TTC27: variants seen among roughly 807,000 people sequenced by gnomAD.
TTC27 encodes tetratricopeptide repeat domain 27.
A neutral mutation model predicts 115.9 loss-of-function variants in TTC27; 79 were observed. The ratio of observed to expected loss-of-function variants is 0.68; its 90% CI spans 0.57 to 0.82. The LOEUF (loss-of-function observed/expected upper bound fraction) is 0.82. TTC27 is among the 40% of genes least tolerant of loss of function. The pLI, the probability that TTC27 is intolerant of heterozygous loss-of-function variation, is 0.00. For missense variants in TTC27, 1,054 were observed against 993.1 expected (o/e 1.06, Z -0.82); for synonymous variants, 401 against 356.0 (o/e 1.13, Z -1.42).
chr2:32,670,563 C>A (rs973707492), intron 7 of TTC27, among the ~76,000 whole-genome samples: 9 of 152,012 alleles, frequency 5.9e-5, no homozygotes, highest in African/African-American at 1.9e-4. Context: ...TACTAATAAA[C>A]CTGCCTAGAA....
chr2:32,736,041 C>T (rs1453928211), intron 11 of TTC27, among the ~76,000 whole-genome samples: 3 of 152,258 alleles, frequency 2.0e-5, no homozygotes, highest in Non-Finnish European at 4.4e-5. Context: ...TTTATTCTGA[C>T]CTTACCTACT....
intron 9 of TTC27, among the ~76,000 whole-genome samples, chr2:32,681,644 T>C (rs895325607): frequency 3.1e-5 from 4 of 127,478 alleles, no homozygotes; most frequent in Non-Finnish European, 6.6e-5. Context: ...ATATGAGATA[T>C]TCAGCTTTTT....
rs796711593 is a variant in TTC27 at position 32,778,925 on chromosome 2, T to C, written c.1779+945T>C. ...ATTTTGAGGATCTGCCAGACTGTTT[T>C]CCAAAGTACCATTTTAGGCCGGGTG... is the stretch of plus-strand genomic sequence containing the variant. On this transcript the variant is annotated intron_variant, in intron 14 of 19. Transcript: ENST00000317907. 1.3e-4 allele frequency among the ~76,000 whole-genome samples: 20 copies of C among 152,340 alleles called. 1 individual carries two copies. The highest frequency in any genetic ancestry group is 4.8e-4 in the African/African-American group (20 of 41,584).
intron 3 of TTC27, among the ~76,000 whole-genome samples, chr2:32,639,943 G>A (rs1559182061): frequency 6.6e-6 from 1 of 152,156 alleles, no homozygotes; most frequent in East Asian, 1.9e-4. Flanking sequence ...AAGTTGCAGT[G>A]AGCCAAGATC....
chr2:32,799,464 C>T (rs562755962), intron 16 of TTC27, among the ~76,000 whole-genome samples: 3 of 152,138 alleles, frequency 2.0e-5, no homozygotes, highest in African/African-American at 7.2e-5. Flanking sequence ...AAAAAGTTTA[C>T]CAGATTAGTT....
At chr2:32,769,526 T>C (rs1669757916) in intron 13 of TTC27, among the ~76,000 whole-genome samples, 1 of 152,100 alleles carries the variant, frequency 6.6e-6, no homozygotes, top group Non-Finnish European at 1.5e-5. Flanking sequence ...TTCAAGATAC[T>C]GGAGACCTTT....
intron 11 of TTC27, among the ~76,000 whole-genome samples, chr2:32,734,171 A>G (rs1462699953): frequency 6.6e-6 from 1 of 152,212 alleles, no homozygotes; most frequent in Non-Finnish European, 1.5e-5. Context: ...AAATAATAGA[A>G]TCATAAATGC....
intron 12 of TTC27, among the ~76,000 whole-genome samples, chr2:32,752,678 G>A (rs1162739683): frequency 6.6e-6 from 1 of 152,148 alleles, no homozygotes; most frequent in African/African-American, 2.4e-5. Flanking sequence ...AAGGCAGTGA[G>A]GGATGGAAGG....
chr2:32,756,899 G>A (rs924528044), intron 12 of TTC27, among the ~76,000 whole-genome samples: 4 of 152,196 alleles, frequency 2.6e-5, no homozygotes, highest in Non-Finnish European at 4.4e-5. Context: ...TGGACATGGT[G>A]GTGGGAGGAA....
At chr2:32,634,238 A>C (rs1664326531) in intron 3 of TTC27, among the ~76,000 whole-genome samples, 1 of 152,052 alleles carries the variant, frequency 6.6e-6, no homozygotes, top group Non-Finnish European at 1.5e-5. Context: ...TGTGTTTTTT[A>C]ATGAAAGTAC....
chr2:32,650,311 A>G (rs1240394988), intron 5 of TTC27, 78 bp downstream of exon 5: 27 of 717,764 alleles, frequency 3.8e-5, no homozygotes, highest in Non-Finnish European at 5.2e-5. Flanking sequence ...TTTTTAGTTT[A>G]TTTTTTGTCC....
At chr2:32,682,350 C>T (rs1040124399) in intron 9 of TTC27, among the ~76,000 whole-genome samples, 5 of 152,228 alleles carry the variant, frequency 3.3e-5, no homozygotes, top group African/African-American at 1.2e-4. Context: ...GAAGACTTTA[C>T]TTGAGGATCA....
chr2:32,793,592 G>A (rs1190447875), intron 16 of TTC27, among the ~76,000 whole-genome samples: 2 of 152,078 alleles, frequency 1.3e-5, no homozygotes, highest in South Asian at 2.1e-4. Context: ...GTGCCATCTC[G>A]GCTCACTGCA....
At chr2:32,746,888 C>T (rs1416258372) in intron 12 of TTC27, among the ~76,000 whole-genome samples, 3 of 152,102 alleles carry the variant, frequency 2.0e-5, no homozygotes, top group Admixed American at 6.5e-5. Context: ...GCCAGCATTG[C>T]CCTTGGGAAA....
intron 9 of TTC27, among the ~76,000 whole-genome samples, chr2:32,690,627 G>A (rs879931360): frequency 3.9e-5 from 6 of 152,158 alleles, no homozygotes; most frequent in Non-Finnish European, 4.4e-5. Flanking sequence ...GCAAGGAGAC[G>A]GGAGAATGTA....
At chr2:32,746,888 C>A (rs1416258372) in intron 12 of TTC27, among the ~76,000 whole-genome samples, 1 of 152,220 alleles carries the variant, frequency 6.6e-6, no homozygotes, top group East Asian at 1.9e-4. Flanking sequence ...GCCAGCATTG[C>A]CCTTGGGAAA....
intron 9 of TTC27, among the ~76,000 whole-genome samples, chr2:32,694,190 TA>T (rs1220129828): frequency 2.0e-5 from 3 of 152,182 alleles, no homozygotes; most frequent in Non-Finnish European, 4.4e-5. Context: ...ATTATTGGAA[TA>T]AAAATATGAA....
chr2:32,639,244 G>A (rs1236497493), intron 3 of TTC27, among the ~76,000 whole-genome samples: 1 of 152,204 alleles, frequency 6.6e-6, no homozygotes, highest in Admixed American at 6.5e-5. Context: ...ACACTGTCCT[G>A]TGCATGTGAC....
At chr2:32,706,077 CTTTTTTTTTTTT>C (rs148953090) in intron 10 of TTC27, among the ~76,000 whole-genome samples, 4 of 53,232 alleles carry the variant, frequency 7.5e-5, no homozygotes, top group Non-Finnish European at 1.3e-4. Flanking sequence ...TTACCTTACT[CTTTTTTTTTTTT>C]TTTTTTTTTT....
Sources: allele counts gnomAD v4.1 joint callset (sites outside exome capture counted in the v4.1 genomes callset), GRCh38; gene constraint gnomAD v4.1.1; transcripts MANE v1.5; gene names NCBI Gene and HGNC (gene_info 2026-07-23, HGNC 2026-07-21).